Variants in TEC observed in about 807,000 individuals in gnomAD.
TEC encodes tyrosine-protein kinase Tec.
TEC carries 72 observed loss-of-function variants against 93.0 expected under a neutral mutation model. The observed-to-expected ratio is 0.77, with a 90% confidence interval of 0.64 to 0.94. The LOEUF (loss-of-function observed/expected upper bound fraction) is 0.94, where lower values mean the gene tolerates loss of function less well. Among genes scored for constraint, TEC ranks in the 40% least tolerant of loss-of-function variants. The probability of loss-of-function intolerance (pLI) is 0.00; values close to 1 mark genes in which losing one functional copy is unlikely to be tolerated. For missense variants in TEC, 630 were observed against 757.9 expected, an observed-to-expected ratio of 0.83 and a Z score of 1.98; for synonymous variants, 249 against 247.7, an observed-to-expected ratio of 1.01 and a Z score of -0.05.
In TEC at chr4:48,145,123, C is replaced by T; in HGVS notation, c.1426G>A (p.Gly476Arg). The T allele has an allele frequency of 1.2e-6, 2 of 1,613,984 alleles. No individual in the cohort carries two copies. The highest frequency in any genetic ancestry group is 1.7e-6 in the Non-Finnish European group (2 of 1,179,904). Residue 476 changes from glycine to arginine, a missense_variant, in exon 14 of 18, where the codon GGG becomes AGG. Physicochemically the swap from Gly to Arg is moderately radical, Grantham distance 125. Transcript: ENST00000381501. The part of the protein sequence containing the change: ...LLSMCQDVCE[G>R]MEYLERNSFI... ...CTGTTTCTCTCCAGATACTCCATCC[C>T]TTCACACACATCCTGACACATGCTC... is the stretch of plus-strand genomic sequence containing the variant.
rs1199483853 is a variant in TEC, at chr4:48,138,962, A to G, written c.1596T>C (p.Cys532=). ...SSGAKFPVKW[C]PPEVFNYSRF... The stretch of plus-strand genomic sequence containing the variant: ...GGCTGTAATTAAACACTTCAGGTGG[A>G]CACCACTTCACAGGAAACTTAGCAC... The change falls in exon 16 of 18, where the codon TGT becomes TGC. Residue 532 remains cysteine, a synonymous_variant. Transcript: ENST00000381501. 3 of 1,614,120 alleles carry G rather than the reference A, an allele frequency of 1.9e-6. No homozygotes were observed. The African/African-American group carries it at 4.0e-5, about 22-fold the overall frequency.
chr4:48,138,011 G>A (rs1719504393), intron 17 of TEC, among the ~76,000 whole-genome samples: 1 of 152,156 alleles, frequency 6.6e-6, no homozygotes, highest in Non-Finnish European at 1.5e-5. Flanking sequence ...TACAGCAAGT[G>A]GTTGAGACTC....
intron 2 of TEC, among the ~76,000 whole-genome samples, chr4:48,209,434 T>C (rs1291115901): frequency 6.6e-6 from 1 of 151,186 alleles, no homozygotes; most frequent in East Asian, 1.9e-4. Flanking sequence ...AGAGCTCATC[T>C]CTACAAAAAA....
chr4:48,236,608 G>A (rs912005722), intron 1 of TEC, among the ~76,000 whole-genome samples: 3 of 152,110 alleles, frequency 2.0e-5, no homozygotes, highest in African/African-American at 7.2e-5. Context: ...AATAAAACTC[G>A]ACTGCAACAT....
chr4:48,250,448 G>A (rs1167280835), intron 1 of TEC, among the ~76,000 whole-genome samples: 2 of 151,986 alleles, frequency 1.3e-5, no homozygotes, highest in Non-Finnish European at 2.9e-5. Flanking sequence ...CTGTTCTTTG[G>A]CAATGCCCTC....
At chr4:48,266,362 C>T (rs771857291) in intron 1 of TEC, among the ~76,000 whole-genome samples, 23 of 152,134 alleles carry the variant, frequency 1.5e-4, no homozygotes, top group Non-Finnish European at 2.5e-4. Context: ...TGCCAATGTA[C>T]CAAAGGCACC....
In TEC at chr4:48,245,525, T is replaced by C. The variant is rs187949084; in HGVS notation, c.-45-16866A>G. ...GTTTATACACAGAAAACACTTAGAA[T>C]AGTTACCTGGCACATAGATGCCATT... On this transcript the variant is annotated intron_variant, in intron 1 of 17. Coordinates refer to ENST00000381501, the MANE Select transcript of TEC (RefSeq NM_003215.3). Among the ~76,000 whole-genome samples, 28 of 152,344 alleles carry C rather than the reference T, an allele frequency of 1.8e-4. No homozygotes were observed. The East Asian group carries it at 5.4e-3, about 29-fold the overall frequency.
chr4:48,138,194 A>C (rs1719509880), intron 17 of TEC, among the ~76,000 whole-genome samples: 1 of 152,250 alleles, frequency 6.6e-6, no homozygotes. Flanking sequence ...AGTGCCTGGT[A>C]CATAATACAT....
At chr4:48,158,229 C>T (rs1457082633) in intron 8 of TEC, among the ~76,000 whole-genome samples, 2 of 152,166 alleles carry the variant, frequency 1.3e-5, no homozygotes, top group Non-Finnish European at 2.9e-5. Context: ...AAAGACAATA[C>T]AAGATCTTTT....
intron 2 of TEC, among the ~76,000 whole-genome samples, chr4:48,201,899 G>C (rs1722523910): frequency 1.3e-5 from 2 of 152,094 alleles, no homozygotes; most frequent in South Asian, 4.2e-4. Context: ...CACAAAGGCA[G>C]GGAGAGTCAC....
chr4:48,168,892 T>A (rs1302074515), intron 5 of TEC, among the ~76,000 whole-genome samples: 2 of 152,204 alleles, frequency 1.3e-5, no homozygotes, highest in African/African-American at 4.8e-5. Flanking sequence ...TTCCTACCAC[T>A]GCATAAACTG....
At chr4:48,137,925 C>T (rs539986494) in intron 17 of TEC, among the ~76,000 whole-genome samples, 2 of 152,330 alleles carry the variant, frequency 1.3e-5, no homozygotes, top group Admixed American at 1.3e-4. Flanking sequence ...TTTGCTCAAG[C>T]TGTTCTCTCT....
At chr4:48,179,339 T>C (rs1721462457) in intron 2 of TEC, among the ~76,000 whole-genome samples, 1 of 22,814 alleles carries the variant, frequency 4.4e-5, no homozygotes, top group African/African-American at 2.0e-4. Context: ...ACGTGGGTAG[T>C]ATATATATAT....
intron 2 of TEC, among the ~76,000 whole-genome samples, chr4:48,195,092 T>C (rs949567443): frequency 2.6e-5 from 4 of 152,230 alleles, no homozygotes; most frequent in Non-Finnish European, 5.9e-5. Context: ...CCCTGACTTC[T>C]GCAGATGAAT....
At position 48,170,311 on chromosome 4, in the gene TEC, G is replaced by T. The variant is rs1407361042; in HGVS notation, c.391C>A (p.Gln131Lys). The T allele has an allele frequency of 6.4e-7, 1 of 1,556,900 alleles. No homozygotes were observed. The highest frequency in any genetic ancestry group is 1.4e-5 in the African/African-American group (1 of 73,838). ...AATTTTTCAGTTTGTCTACAACACTGATAACTTCCATCTGTCCAGAATTTA... is the reference window on the plus strand; with the variant it reads ...AATTTTTCAGTTTGTCTACAACACTTATAACTTCCATCTGTCCAGAATTTA... Reference protein sequence around the residue: ...HPKFWTDGSYQCCRQTEKLAP... With the variant: ...HPKFWTDGSYKCCRQTEKLAP... Residue 131 changes from glutamine (Q) to lysine (K), a missense_variant, in exon 5 of 18, where the codon CAG (glutamine) becomes AAG (lysine). Gln to Lys is a moderately conservative substitution (Grantham distance 53). Coordinates refer to ENST00000381501, the MANE Select transcript of TEC (RefSeq NM_003215.3).
At chr4:48,260,917 T>C (rs1369892469) in intron 1 of TEC, among the ~76,000 whole-genome samples, 1 of 152,244 alleles carries the variant, frequency 6.6e-6, no homozygotes, top group Non-Finnish European at 1.5e-5. Flanking sequence ...TTATTTTTAA[T>C]TTCTTCTTTG....
intron 2 of TEC, among the ~76,000 whole-genome samples, chr4:48,185,193 T>C (rs115470017): frequency 9.3e-4 from 141 of 152,306 alleles, no homozygotes; most frequent in Non-Finnish European, 1.6e-3. Context: ...AGTCAACTGT[T>C]TAACAGAAAA....
intron 8 of TEC, among the ~76,000 whole-genome samples, chr4:48,160,292 A>T (rs1720574973): frequency 6.6e-6 from 1 of 152,196 alleles, no homozygotes; most frequent in Admixed American, 6.5e-5. Context: ...TGATTCTAAG[A>T]GGTTAAAATT....
intron 2 of TEC, among the ~76,000 whole-genome samples, chr4:48,209,185 CTTTTAATTTT>C (rs1205729098): frequency 6.6e-6 from 1 of 152,040 alleles, no homozygotes; most frequent in Non-Finnish European, 1.5e-5. Context: ...CTTAAAATAC[CTTTTAATTTT>C]TTTTAATTTT....
Sources: gnomAD v4.1 joint callset for allele counts (sites outside exome capture counted in the v4.1 genomes callset) on GRCh38, gnomAD v4.1.1 for gene constraint, MANE v1.5 for transcripts, NCBI Gene and HGNC (gene_info 2026-07-23, HGNC 2026-07-21) for gene names.